Variants in TOX2 observed in about 807,000 individuals in gnomAD.
TOX2 encodes the protein granulosa cell HMG box 1.
A neutral mutation model predicts 47.4 loss-of-function variants in TOX2; 15 were observed. That is an observed-to-expected ratio of 0.32 (90% CI 0.21 to 0.49). The LOEUF is 0.49. Ranked by LOEUF, TOX2 falls within the 20% of genes least tolerant of loss-of-function variation. The pLI, the probability that TOX2 is intolerant of heterozygous loss-of-function variation, is 0.99. For synonymous variants in TOX2, 290 were observed against 296.6 expected (o/e 0.98, Z 0.23); for missense variants, 622 against 673.1 (o/e 0.92, Z 0.84).
At chr20:44,065,650 C>T in intron 6 of TOX2, 62 bp from the exon 7 acceptor site, 2 of 1,519,934 alleles carry the variant, frequency 1.3e-6, no homozygotes, top group African/African-American at 2.8e-5. Flanking sequence ...CCTGGCCTCA[C>T]AGCCCATGTT....
chr20:44,051,763 G>A (rs749127460), intron 4 of TOX2, among the ~76,000 whole-genome samples: 5 of 152,208 alleles, frequency 3.3e-5, no homozygotes, highest in Admixed American at 6.5e-5. Context: ...CCCAGGCCAC[G>A]CTGGAAGCCA....
chr20:43,967,626 C>A (rs2069881564), intron 1 of TOX2, among the ~76,000 whole-genome samples: 1 of 152,104 alleles, frequency 6.6e-6, no homozygotes, highest in African/African-American at 2.4e-5. Context: ...TTCATCCACT[C>A]CTCCCTCTCA....
rs533796436 is a variant in TOX2, at chr20:43,929,150, C to T, written c.99+14160C>T. On this transcript the variant is annotated intron_variant, in intron 1 of 8. Transcript: ENST00000341197. ...CTCCAATCTGGCGACAGAGTGAGAC[C>T]CTGTCTCAAAAACAAACAAACAAAC... Among the ~76,000 whole-genome samples the T allele has an allele frequency of 1.6e-4, 25 of 152,052 alleles. No individual in the cohort carries two copies. The East Asian group carries it at 3.1e-3, about 19-fold the overall frequency.
chr20:43,984,091 C>T (rs182426087), intron 2 of TOX2, among the ~76,000 whole-genome samples: 78 of 152,318 alleles, frequency 5.1e-4, no homozygotes, highest in African/African-American at 1.7e-3. Flanking sequence ...TTGTGTTTCA[C>T]CCGCTGTGGT....
At chr20:44,006,300 A>G (rs183226152) in intron 2 of TOX2, among the ~76,000 whole-genome samples, 134 of 152,226 alleles carry the variant, frequency 8.8e-4, no homozygotes, top group Non-Finnish European at 1.5e-3. Flanking sequence ...GCCGGCCCCC[A>G]TTCTCCAGGA....
intron 1 of TOX2, among the ~76,000 whole-genome samples, chr20:43,929,968 G>A (rs6103517): frequency 0.27 from 40,954 of 152,056 alleles, 8,188 homozygotes; most frequent in African/African-American, 0.53. Context: ...TCGGCCTCCC[G>A]AAGCGCTGGG....
intron 2 of TOX2, among the ~76,000 whole-genome samples, chr20:43,997,608 T>C (rs1257229512): frequency 6.6e-6 from 1 of 152,196 alleles, no homozygotes; most frequent in African/African-American, 2.4e-5. Flanking sequence ...AAACAATCTC[T>C]TCCTTGTATT....
At chr20:44,015,866 A>C (rs531023277) in intron 3 of TOX2, among the ~76,000 whole-genome samples, 97 of 152,242 alleles carry the variant, frequency 6.4e-4, no homozygotes, top group Non-Finnish European at 1.1e-3. Flanking sequence ...TTTAGTTTAA[A>C]AATGGTTTTT....
At chr20:43,972,685 C>A (rs776552920) in intron 1 of TOX2, among the ~76,000 whole-genome samples, 2 of 152,154 alleles carry the variant, frequency 1.3e-5, no homozygotes, top group Non-Finnish European at 2.9e-5. Context: ...AAGAGGGAGG[C>A]GGGGGTCCCA....
In TOX2 at chr20:44,066,742, A is replaced by T; in HGVS notation, c.1369A>T (p.Ile457Phe). Reference protein sequence around the residue: ...SPPGPQDFPHISEFPSSSGSC... With the variant: ...SPPGPQDFPHFSEFPSSSGSC... Reference sequence around the variant, plus strand: ...TCCCACTCTGTAGGACTTCCCGCACATCTCTGAGTTCCCCAGCAGCTCGGG... The same window carrying T: ...TCCCACTCTGTAGGACTTCCCGCACTTCTCTGAGTTCCCCAGCAGCTCGGG... The change falls in exon 8 of 9, where the codon ATC becomes TTC. Residue 457 changes from isoleucine to phenylalanine, a missense_variant. Coordinates refer to ENST00000341197, the MANE Select transcript of TOX2 (RefSeq NM_001098797.2). 6.2e-7 allele frequency: 1 copy of T among 1,614,068 alleles called. No homozygotes were observed. Among genetic ancestry groups the T allele is most frequent in the Non-Finnish European group, 8.5e-7 (1 of 1,179,992 alleles).
chr20:44,053,960 G>A (rs370387800), intron 4 of TOX2, among the ~76,000 whole-genome samples: 9 of 152,138 alleles, frequency 5.9e-5, no homozygotes, highest in African/African-American at 2.2e-4. Flanking sequence ...AAGTCCCAAA[G>A]GTGATAGTTT....
intron 5 of TOX2, among the ~76,000 whole-genome samples, chr20:44,064,552 C>T (rs1370510017): frequency 6.6e-6 from 1 of 152,168 alleles, no homozygotes; most frequent in Admixed American, 6.5e-5. Flanking sequence ...GCATGTTGGC[C>T]AAGGCCACAC....
intron 2 of TOX2, among the ~76,000 whole-genome samples, chr20:43,985,305 A>G (rs1041686920): frequency 6.6e-6 from 1 of 152,184 alleles, no homozygotes; most frequent in Non-Finnish European, 1.5e-5. Context: ...GGTCTGTCCC[A>G]GAGGTCTTCC....
intron 5 of TOX2, 114 bp from the exon 6 acceptor site, chr20:44,064,663 C>T: frequency 1.0e-6 from 1 of 1,002,592 alleles, no homozygotes; most frequent in South Asian, 1.5e-5. Flanking sequence ...CTTCTGACCC[C>T]ACCACCCTCG....
At chr20:44,017,100 G>GC (rs2070892567) in intron 3 of TOX2, among the ~76,000 whole-genome samples, 1 of 152,202 alleles carries the variant, frequency 6.6e-6, no homozygotes, top group Non-Finnish European at 1.5e-5. Flanking sequence ...CTAGCAAAGG[G>GC]CCTGGTTAGC....
At chr20:44,038,311 G>T (rs937859568) in intron 3 of TOX2, among the ~76,000 whole-genome samples, 4 of 152,232 alleles carry the variant, frequency 2.6e-5, no homozygotes, top group African/African-American at 7.2e-5. Context: ...TGGGAGGATC[G>T]CCTGAGCCTG....
intron 2 of TOX2, among the ~76,000 whole-genome samples, chr20:43,991,078 C>A (rs1449404937): frequency 6.6e-6 from 1 of 152,118 alleles, no homozygotes; most frequent in Non-Finnish European, 1.5e-5. Context: ...TTTTTAAAAT[C>A]CCTTGATCCA....
chr20:43,995,466 A>G lies in TOX2; in HGVS notation c.166-11081A>G, dbSNP rs186235474. 1.5e-3 allele frequency among the ~76,000 whole-genome samples: 228 copies of G among 152,328 alleles called. 2 individuals are homozygous for G. The highest frequency in any genetic ancestry group is 4.6e-3 in the African/African-American group (191 of 41,570). ...AGATGTCATTTTCTGTTGTGAAAAC[A>G]GAGTTGAGAAACACTGAATCGCACT... On this transcript the variant is annotated intron_variant, in intron 2 of 8. Coordinates refer to ENST00000341197, the MANE Select transcript of TOX2 (RefSeq NM_001098797.2).
chr20:43,998,407 A>G (rs1435391216), intron 2 of TOX2, among the ~76,000 whole-genome samples: 2 of 152,194 alleles, frequency 1.3e-5, no homozygotes, highest in African/African-American at 4.8e-5. Context: ...ACCTGGTTAT[A>G]TTTTGTAAGT....
Sources: gnomAD v4.1 joint callset for allele counts (sites outside exome capture counted in the v4.1 genomes callset) on GRCh38, gnomAD v4.1.1 for gene constraint, MANE v1.5 for transcripts, NCBI Gene and HGNC (gene_info 2026-07-23, HGNC 2026-07-21) for gene names.